SART3: variants seen among roughly 807,000 people sequenced by gnomAD.
SART3 encodes spliceosome associated factor 3, U4/U6 recycling protein, also known as HIV-1 Tat-interacting protein of 110kDa.
A neutral mutation model predicts 122.3 loss-of-function variants in SART3; 44 were observed. The observed-to-expected ratio is 0.36, with a 90% confidence interval of 0.28 to 0.46. SART3 has a LOEUF of 0.46. Ranked by LOEUF, SART3 falls within the 20% of genes least tolerant of loss-of-function variation. The probability of loss-of-function intolerance (pLI) is 1.00; values close to 1 mark genes in which losing one functional copy is unlikely to be tolerated. For synonymous variants in SART3, 442 were observed against 454.0 expected (o/e 0.97, Z 0.34); for missense variants, 1,101 against 1,229.0 (o/e 0.90, Z 1.56).
intron 6 of SART3, 107 bp from the exon 7 acceptor site, chr12:108,539,196 C>A: frequency 9.1e-7 from 1 of 1,099,356 alleles, no homozygotes; most frequent in Non-Finnish European, 1.3e-6. Context: ...TATGAATCGC[C>A]AAATCCTCAC....
In SART3 at chr12:108,523,489, C is replaced by A. The variant is rs2136657939; in HGVS notation, c.2860G>T (p.Ala954Ser). 6.2e-7 allele frequency: 1 copy of A among 1,612,904 alleles called. No homozygotes were observed. Among genetic ancestry groups the A allele is most frequent in the Middle Eastern group, 2.0e-4 (1 of 5,076 alleles). The change falls in exon 19 of 19, where the codon GCC becomes TCC. Residue 954 changes from alanine (A) to serine (S), a missense_variant. Physicochemically the swap from Ala to Ser is moderately conservative, Grantham distance 99. Around this residue, in one of 2 missense-constraint regions of SART3, gnomAD observed 885 missense variants for 1,080.1 expected, o/e 0.82. Transcript: ENST00000546815. ...CTCAGAAACAGCTTGGCAAAATCGG[C>A]ATTGGACATCTTGGGTGCCTCGGTG... ...AATEAPKMSN[A>S]DFAKLFLRK
At chr12:108,546,495 A>G (rs1366990785) in intron 3 of SART3, among the ~76,000 whole-genome samples, 3 of 150,468 alleles carry the variant, frequency 2.0e-5, no homozygotes, top group African/African-American at 7.3e-5. Flanking sequence ...CACTATGCCC[A>G]GTCTGAAAGG....
At chr12:108,545,590 G>A (rs1415903989) in intron 3 of SART3, among the ~76,000 whole-genome samples, 1 of 152,146 alleles carries the variant, frequency 6.6e-6, no homozygotes, top group Non-Finnish European at 1.5e-5. Context: ...CAGAAATCAT[G>A]GGAACACCAT....
chr12:108,526,303 G>A lies in SART3; in HGVS notation c.2166C>T (p.Leu722=), dbSNP rs557098531. 1.8e-4 allele frequency: 293 copies of A among 1,614,232 alleles called. 4 individuals are homozygous for A. In the South Asian group the frequency reaches 2.9e-3, roughly 16 times the overall value. ...CCCCACAGGCCTCGAAGAGTGGCCT[G>A]AGCTTCGTGTCCGGCTCCTGCATGC... ...PYSMQEPDTK[L]RPLFEACGEV... Residue 722 remains leucine, a synonymous_variant, in exon 16 of 19, where the codon CTC becomes CTT. Transcript: ENST00000546815.
chr12:108,536,816 A>G (rs1433225959), intron 9 of SART3, 31 bp from the exon 10 acceptor site: 1 of 1,593,784 alleles, frequency 6.3e-7, no homozygotes, highest in Non-Finnish European at 8.6e-7. Context: ...AGGCTTTAGG[A>G]AACCACATAG....
At chr12:108,533,276 ATGG>A (rs1690134203) in intron 12 of SART3, among the ~76,000 whole-genome samples, 1 of 151,912 alleles carries the variant, frequency 6.6e-6, no homozygotes, top group Admixed American at 6.6e-5. Flanking sequence ...TGCACAAGTA[ATGG>A]TGGCCCTTAG....
intron 1 of SART3, among the ~76,000 whole-genome samples, chr12:108,554,860 A>G (rs1019528191): frequency 6.6e-6 from 1 of 152,100 alleles, no homozygotes; most frequent in African/African-American, 2.4e-5. Flanking sequence ...GATGATATCA[A>G]TGTATAGTAA....
At chr12:108,551,012 T>C (rs936393800) in intron 1 of SART3, among the ~76,000 whole-genome samples, 1 of 152,156 alleles carries the variant, frequency 6.6e-6, no homozygotes, top group African/African-American at 2.4e-5. Flanking sequence ...TAAATGCGAA[T>C]GGTGCATATA....
At chr12:108,556,981 C>A (rs1211602941) in intron 1 of SART3, among the ~76,000 whole-genome samples, 2 of 151,860 alleles carry the variant, frequency 1.3e-5, no homozygotes, top group East Asian at 3.9e-4. Flanking sequence ...ATAAAAGTCG[C>A]TAAAGTCAAG....
At chr12:108,543,746 C>A (rs1031209298) in intron 5 of SART3, among the ~76,000 whole-genome samples, 1 of 152,174 alleles carries the variant, frequency 6.6e-6, no homozygotes, top group African/African-American at 2.4e-5. Flanking sequence ...CATGTGGGCT[C>A]CAGTAAAGTT....
intron 12 of SART3, 119 bp from the exon 13 acceptor site, chr12:108,532,453 A>G: frequency 1.3e-6 from 1 of 774,730 alleles, no homozygotes; most frequent in Non-Finnish European, 2.2e-6. Context: ...TTCTGAGAAG[A>G]CCTTAGCTTT....
chr12:108,529,048 G>A (rs539855144), intron 15 of SART3, among the ~76,000 whole-genome samples: 10 of 151,826 alleles, frequency 6.6e-5, no homozygotes, highest in South Asian at 4.2e-4. Flanking sequence ...ACTTGAACCC[G>A]GGAAGCGGAG....
At chr12:108,525,337 TTTTG>T in intron 17 of SART3, 116 bp downstream of exon 17, 2 of 1,040,446 alleles carry the variant, frequency 1.9e-6, no homozygotes. Flanking sequence ...TGAAATTAAC[TTTTG>T]TTTCTCAGCA....
intron 4 of SART3, 100 bp from the exon 5 acceptor site, chr12:108,544,578 T>C: frequency 1.9e-6 from 3 of 1,562,400 alleles, no homozygotes; most frequent in South Asian, 1.1e-5. Context: ...GGTTCTTTCT[T>C]TTTCTTTTGA....
intron 4 of SART3, chr12:108,544,784 T>G (rs1873327242): frequency 6.9e-6 from 4 of 577,374 alleles, no homozygotes; most frequent in Non-Finnish European, 1.2e-5. Flanking sequence ...AGGCTGGTCT[T>G]GTACTCCTGA....
Position 108,560,950 on chromosome 12 carries a change from C to G in SART3, c.205G>C (p.Glu69Gln). 6.2e-7 allele frequency: 1 copy of G among 1,614,086 alleles called. No individual in the cohort carries two copies. The highest frequency in any genetic ancestry group is 8.5e-7 in the Non-Finnish European group (1 of 1,179,970). The change falls in exon 1 of 19, where the codon GAG (glutamate) becomes CAG (glutamine). Residue 69 changes from glutamate to glutamine, a missense_variant. Physicochemically the swap from Glu to Gln is conservative, Grantham distance 29. Transcript: ENST00000546815. ...EEGVSESDGD[E>Q]YAMASSAESS... ...TCCGCGGAGGAAGCCATGGCGTACTCATCCCCATCGCTCTCGCTCACGCCT... is the reference window on the plus strand; with the variant it reads ...TCCGCGGAGGAAGCCATGGCGTACTGATCCCCATCGCTCTCGCTCACGCCT...
At chr12:108,553,894 G>A (rs2030109459) in intron 1 of SART3, among the ~76,000 whole-genome samples, 1 of 152,154 alleles carries the variant, frequency 6.6e-6, no homozygotes, top group African/African-American at 2.4e-5. Context: ...GGAACAATTT[G>A]CAAATCCCTG....
chr12:108,547,545 T>C (rs1228229896), intron 3 of SART3, among the ~76,000 whole-genome samples: 1 of 152,222 alleles, frequency 6.6e-6, no homozygotes, highest in Non-Finnish European at 1.5e-5. Flanking sequence ...TTTCTTTTAA[T>C]GTTTTAATCT....
At chr12:108,548,634 G>T (rs986507809) in intron 2 of SART3, among the ~76,000 whole-genome samples, 7 of 152,192 alleles carry the variant, frequency 4.6e-5, no homozygotes, top group Admixed American at 2.0e-4. Flanking sequence ...CTACAGAGTT[G>T]TTCAGTGCAA....
Sources: allele counts gnomAD v4.1 joint callset (sites outside exome capture counted in the v4.1 genomes callset), GRCh38; gene constraint gnomAD v4.1.1; regional missense constraint gnomAD v4.1.1; transcripts MANE v1.5; gene names NCBI Gene and HGNC (gene_info 2026-07-23, HGNC 2026-07-21).